CRACDL: variants seen among roughly 807,000 people sequenced by gnomAD.
CRACDL encodes the protein CRACD like.
In CRACDL, 26 loss-of-function variants were observed where a neutral mutation model predicts 70.6. The observed-to-expected ratio is 0.37, with a 90% CI of 0.27 to 0.51. The LOEUF is 0.51. CRACDL is among the 20% of genes least tolerant of loss of function. The pLI, the probability that CRACDL is intolerant of heterozygous loss-of-function variation, is 0.94. For missense variants in CRACDL, 1,283 were observed against 1,376.9 expected, an observed-to-expected ratio of 0.93 and a Z score of 1.08; for synonymous variants, 618 against 615.2, an observed-to-expected ratio of 1.00 and a Z score of -0.07.
intron 1 of CRACDL, among the ~76,000 whole-genome samples, chr2:98,881,636 A>G (rs1301004514): frequency 6.6e-6 from 1 of 152,076 alleles, no homozygotes; most frequent in African/African-American, 2.4e-5. Context: ...TCATCAGGGG[A>G]GCCTTCAGCT....
chr2:98,882,634 C>A (rs1359140983), intron 1 of CRACDL, among the ~76,000 whole-genome samples: 1 of 152,130 alleles, frequency 6.6e-6, no homozygotes, highest in Non-Finnish European at 1.5e-5. Flanking sequence ...AGCCATAAAA[C>A]CTGTCTCTCT....
chr2:98,883,924 G>T (rs1707723936), intron 1 of CRACDL, among the ~76,000 whole-genome samples: 1 of 152,200 alleles, frequency 6.6e-6, no homozygotes, highest in Non-Finnish European at 1.5e-5. Flanking sequence ...GCAGCACATG[G>T]GCACCCACCC....
At chr2:98,916,505 G>GT (rs35933151) in intron 1 of CRACDL, among the ~76,000 whole-genome samples, 9,150 of 71,886 alleles carry the variant, frequency 0.13, 506 homozygotes, top group South Asian at 0.26. Flanking sequence ...CAATAAAGCT[G>GT]TTTTTTTTAA....
At chr2:98,908,718 T>A (rs1301671140) in intron 1 of CRACDL, among the ~76,000 whole-genome samples, 1 of 152,214 alleles carries the variant, frequency 6.6e-6, no homozygotes, top group African/African-American at 2.4e-5. Context: ...TACAGTCCAA[T>A]GACCTTCCCC....
At chr2:98,917,937 G>A (rs999158354) in intron 1 of CRACDL, among the ~76,000 whole-genome samples, 26 of 152,130 alleles carry the variant, frequency 1.7e-4, no homozygotes, top group African/African-American at 4.6e-4. Flanking sequence ...TCATGTTGCT[G>A]GAAAAGATAT....
intron 5 of CRACDL, 73 bp downstream of exon 5, chr2:98,832,275 G>A (rs1705573737): frequency 6.5e-7 from 1 of 1,528,324 alleles, no homozygotes; most frequent in Admixed American, 1.7e-5. Flanking sequence ...GGCACACACA[G>A]GGGATCTCAG....
chr2:98,823,264 C>T lies in CRACDL; in HGVS notation c.1009G>A (p.Ala337Thr). 7.1e-7 allele frequency: 1 copy of T among 1,405,714 alleles called. No individual in the cohort carries two copies. 87.1% of individuals were successfully genotyped at this position (1,405,714 alleles called of 1,614,324 possible). Residue 337 changes from alanine to threonine, a missense_variant, in exon 7 of 10, where the codon GCC becomes ACC. Physicochemically the swap from Ala to Thr is moderately conservative, Grantham distance 58. Transcript: ENST00000397899. This position sits in a 1 kb window ranked among gnomAD's most constrained non-coding sequence, Gnocchi z 4.0. ...VPGEDPSSRP[A>T]TPELAEPESA... ...TCGGGCTCGGCGAGCTCCGGGGTGG[C>T]CGGGCGGCTTGAGGGGTCCTCCCCG...
chr2:98,889,707 CA>C (rs1234794336), intron 1 of CRACDL, among the ~76,000 whole-genome samples: 1 of 152,204 alleles, frequency 6.6e-6, no homozygotes, highest in Non-Finnish European at 1.5e-5. Context: ...TAGCAGAATT[CA>C]CATTCTTCTC....
At chr2:98,928,567 C>T (rs1478899892) in intron 1 of CRACDL, among the ~76,000 whole-genome samples, 1 of 152,026 alleles carries the variant, frequency 6.6e-6, no homozygotes, top group African/African-American at 2.4e-5. Flanking sequence ...AGGGCTTCCT[C>T]CCCTACCGAG....
intron 7 of CRACDL, among the ~76,000 whole-genome samples, chr2:98,804,727 C>T (rs1459494626): frequency 1.3e-5 from 2 of 152,134 alleles, no homozygotes; most frequent in African/African-American, 4.8e-5. Flanking sequence ...GTTACAGTGC[C>T]GTTGGCTGTG....
chr2:98,823,033 G>C lies in CRACDL; in HGVS notation c.1240C>G (p.Pro414Ala). ...TAIPEGDTTP[P>A]ETDPAATSEA... ...GAGGTGGCGGCGGGGTCAGTCTCGGGGGGAGTCGTGTCCCCCTCAGGGATG... is the reference window on the plus strand; with the variant it reads ...GAGGTGGCGGCGGGGTCAGTCTCGGCGGGAGTCGTGTCCCCCTCAGGGATG... Residue 414 changes from proline to alanine, a missense_variant, in exon 7 of 10, where the codon CCC (proline) becomes GCC (alanine). Pro to Ala is a conservative substitution (Grantham distance 27, BLOSUM62 -1). Transcript: ENST00000397899. This position sits in a 1 kb window ranked among gnomAD's most constrained non-coding sequence, Gnocchi z 4.0. 1 of 1,521,682 alleles carries C rather than the reference G, an allele frequency of 6.6e-7. No individual in the cohort carries two copies. The highest frequency in any genetic ancestry group is 8.8e-7 in the Non-Finnish European group (1 of 1,131,614). The allele number at this position is 1,521,682 out of a possible 1,614,324, so 94.3% of individuals were successfully genotyped here.
chr2:98,882,731 T>A (rs1419709558), intron 1 of CRACDL, among the ~76,000 whole-genome samples: 1 of 152,170 alleles, frequency 6.6e-6, no homozygotes, highest in Non-Finnish European at 1.5e-5. Flanking sequence ...CTGAGTGATG[T>A]CAAACCATTT....
intron 1 of CRACDL, among the ~76,000 whole-genome samples, chr2:98,885,587 A>G (rs934752221): frequency 2.6e-5 from 4 of 152,192 alleles, no homozygotes; most frequent in African/African-American, 9.6e-5. Context: ...AAAACTGCAC[A>G]AGGGGATAAT....
chr2:98,921,153 T>A (rs1708792693), intron 1 of CRACDL, among the ~76,000 whole-genome samples: 1 of 152,204 alleles, frequency 6.6e-6, no homozygotes, highest in Non-Finnish European at 1.5e-5. Context: ...GGAAATCAAG[T>A]CTGCCTGACT....
chr2:98,841,616 A>T lies in CRACDL; in HGVS notation c.71-3329T>A, dbSNP rs148749191. On this transcript the variant is annotated intron_variant, in intron 2 of 9. Coordinates refer to ENST00000397899, the MANE Select transcript of CRACDL (RefSeq NM_207362.3). ...ATATTCCAGATTGTCCACTAGGAAGATCTTCCTTTGGCCTGAGGGTGCATT... is the reference window on the plus strand; with the variant it reads ...ATATTCCAGATTGTCCACTAGGAAGTTCTTCCTTTGGCCTGAGGGTGCATT... Among the ~76,000 whole-genome samples the T allele has an allele frequency of 5.2e-3, 798 of 152,216 alleles. 9 individuals are homozygous for T. Among genetic ancestry groups the T allele is most frequent in the African/African-American group, 0.018 (765 of 41,548 alleles).
intron 1 of CRACDL, among the ~76,000 whole-genome samples, chr2:98,896,235 A>T (rs1397059940): frequency 6.6e-6 from 1 of 152,208 alleles, no homozygotes; most frequent in Non-Finnish European, 1.5e-5. Context: ...CAGGTTTCAC[A>T]TGCGGGCATG....
chr2:98,808,591 G>A (rs1252898950), intron 7 of CRACDL, among the ~76,000 whole-genome samples: 2 of 152,110 alleles, frequency 1.3e-5, no homozygotes, highest in African/African-American at 4.8e-5. Flanking sequence ...CTTTTAACCA[G>A]CCAGTGCCCC....
chr2:98,935,615 C>A (rs992184900), intron 1 of CRACDL, among the ~76,000 whole-genome samples: 1 of 152,180 alleles, frequency 6.6e-6, no homozygotes, highest in Non-Finnish European at 1.5e-5. Flanking sequence ...CGAGCAGGAC[C>A]TTCTCTCCCT....
At chr2:98,921,827 C>T (rs1177909764) in intron 1 of CRACDL, among the ~76,000 whole-genome samples, 1 of 152,166 alleles carries the variant, frequency 6.6e-6, no homozygotes, top group East Asian at 1.9e-4. Context: ...GCCAGCCCCT[C>T]CTGTAAGGAG....
Sources: allele counts gnomAD v4.1 joint callset (sites outside exome capture counted in the v4.1 genomes callset), GRCh38; gene constraint gnomAD v4.1.1; non-coding constraint Gnocchi (gnomAD v3.1); transcripts MANE v1.5; gene names NCBI Gene and HGNC (gene_info 2026-07-23, HGNC 2026-07-21).